The following DSTYK variants were observed in gnomAD, a reference collection of about 807,000 sequenced individuals.
DSTYK encodes dual serine/threonine and tyrosine protein kinase.
Under a neutral mutation model 98.7 loss-of-function variants are expected in DSTYK, and 34 were observed. That is an observed-to-expected ratio of 0.34 (90% confidence interval 0.26 to 0.46). The LOEUF is 0.46. Among genes scored for constraint, DSTYK ranks in the 20% least tolerant of loss-of-function variants. The probability of loss-of-function intolerance (pLI) is 1.00; values close to 1 mark genes in which losing one functional copy is unlikely to be tolerated. For synonymous variants in DSTYK, 462 were observed against 457.3 expected (o/e 1.01, Z -0.13); for missense variants, 962 against 1,181.7 (o/e 0.81, Z 2.73).
rs779830881 is a variant in DSTYK at position 205,211,365 on chromosome 1, G to C, written c.171C>G (p.Cys57Trp). Residue 57 changes from cysteine to tryptophan, a missense_variant, in exon 1 of 13, where the codon TGC becomes TGG. Cys to Trp is a radical substitution (Grantham distance 215, BLOSUM62 -2). Coordinates refer to ENST00000367162, the MANE Select transcript of DSTYK (RefSeq NM_015375.3). ...ETQKFFRDIK[C>W]SHNHTCLSSL... is the part of the protein sequence containing the mutation. ...AGGAGAGACAAGTGTGGTTGTGGGA[G>C]CACTTGATGTCGCGGAAGAACTTCT... is the stretch of plus-strand genomic sequence containing the variant. The C allele has an allele frequency of 3.1e-6, 5 of 1,612,560 alleles. No individual in the cohort carries two copies. In the Admixed American group the frequency reaches 8.3e-5, roughly 27 times the overall value.
At chr1:205,166,376 G>A (rs1195859961) in intron 3 of DSTYK, among the ~76,000 whole-genome samples, 1 of 151,752 alleles carries the variant, frequency 6.6e-6, no homozygotes, top group African/African-American at 2.4e-5. Context: ...TCAACGCTGG[G>A]CACGATGGCT....
At chr1:205,149,005 C>T (rs941002576) in intron 11 of DSTYK, among the ~76,000 whole-genome samples, 2 of 150,470 alleles carry the variant, frequency 1.3e-5, no homozygotes, top group South Asian at 2.1e-4. Context: ...TGGGTTCAAG[C>T]GATTCTCCTG....
At chr1:205,188,597 C>T (rs757089805) in intron 1 of DSTYK, among the ~76,000 whole-genome samples, 1 of 152,166 alleles carries the variant, frequency 6.6e-6, no homozygotes, top group Non-Finnish European at 1.5e-5. Flanking sequence ...CATAATATAG[C>T]ACTATGGAGC....
intron 11 of DSTYK, among the ~76,000 whole-genome samples, chr1:205,149,515 A>T (rs1420249724): frequency 2.0e-5 from 3 of 152,200 alleles, no homozygotes; most frequent in Non-Finnish European, 2.9e-5. Context: ...TTCACTAACC[A>T]TATCAAGTTA....
Position 205,150,376 on chromosome 1 carries a change from C to T in DSTYK, c.2467+304G>A, listed in dbSNP as rs773553714. Among the ~76,000 whole-genome samples, 1 of 152,164 alleles carries T rather than the reference C, an allele frequency of 6.6e-6. No homozygotes were observed. Among genetic ancestry groups the T allele is most frequent in the Non-Finnish European group, 1.5e-5 (1 of 68,040 alleles). On this transcript the variant is annotated intron_variant, in intron 11 of 12. Transcript: ENST00000367162. The surrounding 1 kb of genome is among the most constrained non-coding windows in gnomAD (Gnocchi z 4.1). The stretch of plus-strand genomic sequence containing the variant: ...AGTTCTTTAATGATAGAGGACAACT[C>T]CTATCACACAGGAGTTATTCAATCA...
At chr1:205,197,095 C>A (rs1271419177) in intron 1 of DSTYK, among the ~76,000 whole-genome samples, 2 of 149,176 alleles carry the variant, frequency 1.3e-5, no homozygotes, top group Non-Finnish European at 3.0e-5. Flanking sequence ...GTGGAGAAAA[C>A]ATCTCCAGGG....
chr1:205,211,189 G>C, intron 1 of DSTYK, 82 bp downstream of exon 1: 2 of 1,487,406 alleles, frequency 1.3e-6, no homozygotes, highest in Non-Finnish European at 1.8e-6. Flanking sequence ...AGAAGACTCG[G>C]GCTTGTTTTG....
At chr1:205,177,314 A>G (rs1658261127) in intron 2 of DSTYK, among the ~76,000 whole-genome samples, 1 of 152,216 alleles carries the variant, frequency 6.6e-6, no homozygotes, top group South Asian at 2.1e-4. Flanking sequence ...CTGAAGCCTC[A>G]GGTTCACACA....
In DSTYK at chr1:205,176,805, C is replaced by T. The variant is rs1007311940; in HGVS notation, c.655-6973G>A. On this transcript the variant is annotated intron_variant, in intron 2 of 12. Transcript: ENST00000367162. ...ATCACTGACGAAGGCTGACCCCTTC[C>T]TAAGAATACTGACTCTTATAGGTGA... Among the ~76,000 whole-genome samples, 3 of 152,114 alleles carry T rather than the reference C, an allele frequency of 2.0e-5. No individual in the cohort carries two copies. The East Asian group carries it at 5.8e-4, about 29-fold the overall frequency.
At chr1:205,171,369 T>G (rs1365292903) in intron 2 of DSTYK, among the ~76,000 whole-genome samples, 1 of 151,118 alleles carries the variant, frequency 6.6e-6, no homozygotes, top group Non-Finnish European at 1.5e-5. Context: ...GAGAACGGCT[T>G]GAACCCAGGA....
At chr1:205,174,499 T>C (rs1254893597) in intron 2 of DSTYK, among the ~76,000 whole-genome samples, 2 of 123,764 alleles carry the variant, frequency 1.6e-5, no homozygotes, top group Admixed American at 2.0e-4. Flanking sequence ...GGTGACAGAG[T>C]GAGACTCCGT....
chr1:205,169,452 T>C lies in DSTYK; in HGVS notation c.1035A>G (p.Thr345=), dbSNP rs1657987017. The change falls in exon 3 of 13, where the codon ACA becomes ACG. Residue 345 remains threonine, a synonymous_variant. Coordinates refer to ENST00000367162, the MANE Select transcript of DSTYK (RefSeq NM_015375.3). This position sits in a 1 kb window ranked among gnomAD's most constrained non-coding sequence, Gnocchi z 4.0. Reference sequence around the variant, plus strand: ...GAGTCTGTAACACCTGGTGAGAAAATGTGCTCAAGTGTCTCAGCTTTTCAC... The same window carrying C: ...GAGTCTGTAACACCTGGTGAGAAAACGTGCTCAAGTGTCTCAGCTTTTCAC... ...EQSEKLRHLS[T]FSHQVLQTRL... 6 of 1,613,896 alleles carry C rather than the reference T, an allele frequency of 3.7e-6. No individual in the cohort carries two copies. Among genetic ancestry groups the C allele is most frequent in the Admixed American group, 1.7e-5 (1 of 59,976 alleles).
At position 205,150,896 on chromosome 1, in the gene DSTYK, G is replaced by T; in HGVS notation, c.2353-102C>A. ...TAGGTACCTCAAAGTAGTGTCACTG[G>T]ATAGGATTATGCTCTGAAAATGAGT... On this transcript the variant is annotated intron_variant, in intron 10 of 12. Transcript: ENST00000367162. The surrounding 1 kb of genome is among the most constrained non-coding windows in gnomAD (Gnocchi z 4.1). 2 of 871,990 alleles carry T rather than the reference G, an allele frequency of 2.3e-6. No homozygotes were observed. The highest frequency in any genetic ancestry group is 3.8e-6 in the Non-Finnish European group (2 of 528,572). 54.0% of individuals were successfully genotyped at this position (871,990 alleles called of 1,614,324 possible).
At chr1:205,160,087 A>C (rs1172394661) in intron 8 of DSTYK, 27 bp downstream of exon 8, 3 of 1,612,802 alleles carry the variant, frequency 1.9e-6, no homozygotes, top group Non-Finnish European at 2.5e-6. Flanking sequence ...GATCTTTCTC[A>C]TAGAGATGAA....
intron 1 of DSTYK, among the ~76,000 whole-genome samples, chr1:205,201,238 A>G (rs933518707): frequency 3.3e-5 from 5 of 152,088 alleles, no homozygotes; most frequent in South Asian, 4.1e-4. Flanking sequence ...AAGGAAAGTA[A>G]TTAGATTGTT....
At chr1:205,196,612 A>G (rs937359253) in intron 1 of DSTYK, among the ~76,000 whole-genome samples, 1 of 152,136 alleles carries the variant, frequency 6.6e-6, no homozygotes, top group African/African-American at 2.4e-5. Flanking sequence ...GGGAGTTGTC[A>G]GGGAATGCTA....
intron 2 of DSTYK, among the ~76,000 whole-genome samples, chr1:205,177,269 G>A (rs527480500): frequency 6.6e-6 from 1 of 152,244 alleles, no homozygotes; most frequent in South Asian, 2.1e-4. Context: ...GGCTAAAGTT[G>A]GTAGGTAGCA....
chr1:205,145,027 A>T lies in DSTYK; in HGVS notation c.*2531T>A, dbSNP rs1181299980. ...CAGTCTGGAAAGGGAACTATATAAG[A>T]CTTTTCCTAAAATTTCATACACAAC... is the stretch of plus-strand genomic sequence containing the variant. On this transcript the variant is annotated 3_prime_UTR_variant, in exon 13 of 13. Coordinates refer to ENST00000367162, the MANE Select transcript of DSTYK (RefSeq NM_015375.3). 6.6e-6 allele frequency: 1 copy of T among 152,202 alleles called. No homozygotes were observed. The highest frequency in any genetic ancestry group is 6.5e-5 in the Admixed American group (1 of 15,280). The allele number at this position is 152,202 out of a possible 1,614,324, so 9.4% of individuals were successfully genotyped here. A position where few individuals can be genotyped will look rare whatever the true frequency, so the allele number is the denominator to read the frequency against.
intron 2 of DSTYK, among the ~76,000 whole-genome samples, chr1:205,181,658 GTGTGT>G (rs1558616493): frequency 4.3e-5 from 3 of 69,146 alleles, no homozygotes; most frequent in East Asian, 9.7e-4. Flanking sequence ...GTTGGGGTTT[GTGTGT>G]GTGTGTGTGT....
Sources: allele counts gnomAD v4.1 joint callset (sites outside exome capture counted in the v4.1 genomes callset), GRCh38; gene constraint gnomAD v4.1.1; non-coding constraint Gnocchi (gnomAD v3.1); transcripts MANE v1.5; gene names NCBI Gene and HGNC (gene_info 2026-07-23, HGNC 2026-07-21).